SCHIP1: variants seen among roughly 807,000 people sequenced by gnomAD.
SCHIP1 encodes schwannomin interacting protein 1.
A neutral mutation model predicts 29.7 loss-of-function variants in SCHIP1; 8 were observed. The observed-to-expected ratio is 0.27, with a 90% CI of 0.16 to 0.49. SCHIP1 has a LOEUF of 0.49. Among genes scored for constraint, SCHIP1 ranks in the 20% least tolerant of loss-of-function variants. The pLI is 0.99. For missense variants in SCHIP1, 193 were observed against 294.6 expected (o/e 0.66, Z 2.52); for synonymous variants, 76 against 94.9 (o/e 0.80, Z 1.16).
At chr3:159,703,002 G>T in the SCHIP1 span, among the ~76,000 whole-genome samples, 1 of 152,156 alleles carries the variant, frequency 6.6e-6, no homozygotes, top group Admixed American at 6.5e-5. Context: ...CAGTATAATT[G>T]ACATAGTACA....
chr3:159,876,565 T>TA (rs1316856999), intron 2 of SCHIP1, among the ~76,000 whole-genome samples: 1 of 152,212 alleles, frequency 6.6e-6, no homozygotes, highest in East Asian at 1.9e-4. Flanking sequence ...TATTTACTCT[T>TA]AGACACCATT....
chr3:159,722,927 G>C, the SCHIP1 span, among the ~76,000 whole-genome samples: 1 of 152,152 alleles, frequency 6.6e-6, no homozygotes, highest in Non-Finnish European at 1.5e-5. Flanking sequence ...CTGGAGAAAA[G>C]TGGGGAGCAG....
At chr3:159,694,537 C>CAAGAAAGAAAGA in the SCHIP1 span, among the ~76,000 whole-genome samples, 78 of 119,456 alleles carry the variant, frequency 6.5e-4, no homozygotes, top group Middle Eastern at 3.9e-3. Context: ...AAAGAAAAGA[C>CAAGAAAGAAAGA]AAGAAAGAAA....
chr3:159,729,503 AAAAGCTGGTTATT>A, the SCHIP1 span, among the ~76,000 whole-genome samples: 1 of 152,214 alleles, frequency 6.6e-6, no homozygotes, highest in Non-Finnish European at 1.5e-5. Context: ...AATCCAGTAC[AAAAGCTGGTTATT>A]AAATGCAATA....
the SCHIP1 span, among the ~76,000 whole-genome samples, chr3:159,474,925 A>T: frequency 6.6e-6 from 1 of 152,198 alleles, no homozygotes; most frequent in Non-Finnish European, 1.5e-5. Flanking sequence ...GACAGCTATT[A>T]TGAAAAAGAT....
At chr3:159,276,680 A>T in the SCHIP1 span, among the ~76,000 whole-genome samples, 1 of 152,172 alleles carries the variant, frequency 6.6e-6, no homozygotes, top group Non-Finnish European at 1.5e-5. Flanking sequence ...CCTTTTCCAG[A>T]GAATAGAAAA....
chr3:159,895,265 G>T (rs555491998), intron 6 of SCHIP1, among the ~76,000 whole-genome samples: 1 of 152,204 alleles, frequency 6.6e-6, no homozygotes, highest in South Asian at 2.1e-4. Flanking sequence ...TTATTTATGG[G>T]CTGCTGAGTG....
At chr3:159,315,049 A>G in the SCHIP1 span, among the ~76,000 whole-genome samples, 1 of 152,208 alleles carries the variant, frequency 6.6e-6, no homozygotes, top group African/African-American at 2.4e-5. Flanking sequence ...AGTTAGAAAC[A>G]ATGTTCATGT....
chr3:159,330,545 G>A, the SCHIP1 span, among the ~76,000 whole-genome samples: 12 of 152,168 alleles, frequency 7.9e-5, no homozygotes, highest in South Asian at 1.9e-3. Flanking sequence ...ATAGTATTGC[G>A]ATTCCACTGT....
chr3:159,543,044 T>C, the SCHIP1 span, among the ~76,000 whole-genome samples: 3 of 151,416 alleles, frequency 2.0e-5, no homozygotes, highest in South Asian at 2.1e-4. Flanking sequence ...TATATATATA[T>C]ACACACATGC....
chr3:159,770,897 A>T, the SCHIP1 span, among the ~76,000 whole-genome samples: 22 of 152,196 alleles, frequency 1.4e-4, no homozygotes, highest in African/African-American at 5.3e-4. Flanking sequence ...ATCATTTTTA[A>T]ATTAGAGAAG....
chr3:159,754,743 T>G, the SCHIP1 span, among the ~76,000 whole-genome samples: 1 of 152,210 alleles, frequency 6.6e-6, no homozygotes, highest in Non-Finnish European at 1.5e-5. Context: ...CAAGCCAAGA[T>G]GTACAGTCTC....
At chr3:159,506,809 C>T in the SCHIP1 span, among the ~76,000 whole-genome samples, 17,513 of 152,112 alleles carry the variant, frequency 0.12, 1,056 homozygotes, top group Non-Finnish European at 0.13. Context: ...GGGTTCTGTT[C>T]TGTTCCATTG....
At chr3:159,296,576 C>G in the SCHIP1 span, among the ~76,000 whole-genome samples, 2 of 152,242 alleles carry the variant, frequency 1.3e-5, no homozygotes, top group East Asian at 1.9e-4. Flanking sequence ...GAGTTCAAGA[C>G]CAGCCTGGCC....
At chr3:159,446,351 G>C in the SCHIP1 span, among the ~76,000 whole-genome samples, 8 of 152,154 alleles carry the variant, frequency 5.3e-5, no homozygotes, top group African/African-American at 1.7e-4. Flanking sequence ...ATAGAAAGAG[G>C]TGGGAGAGAA....
At chr3:159,300,113 C>CTTTTTTTT in the SCHIP1 span, among the ~76,000 whole-genome samples, 61 of 45,378 alleles carry the variant, frequency 1.3e-3, 14 homozygotes, top group African/African-American at 2.7e-3. Context: ...GGGAAAGCTG[C>CTTTTTTTT]TTTTTTTTTT....
At chr3:159,436,730 T>C in the SCHIP1 span, among the ~76,000 whole-genome samples, 1 of 152,174 alleles carries the variant, frequency 6.6e-6, no homozygotes, top group East Asian at 1.9e-4. Context: ...AGAGGGCCAG[T>C]AGCACATTCC....
the SCHIP1 span, among the ~76,000 whole-genome samples, chr3:159,479,033 T>TA: frequency 9.2e-5 from 14 of 152,118 alleles, no homozygotes; most frequent in Non-Finnish European, 1.8e-4. Flanking sequence ...TCCTTTCCTA[T>TA]AAAAATGTCT....
chr3:159,418,385 C>T, the SCHIP1 span, among the ~76,000 whole-genome samples: 6 of 152,164 alleles, frequency 3.9e-5, no homozygotes, highest in African/African-American at 1.4e-4. Context: ...AATGCTACAT[C>T]AAAAGATGCG....
Sources: gnomAD v4.1 joint callset for allele counts (sites outside exome capture counted in the v4.1 genomes callset) on GRCh38, gnomAD v4.1.1 for gene constraint, MANE v1.5 for transcripts, NCBI Gene and HGNC (gene_info 2026-07-23, HGNC 2026-07-21) for gene names.